Variants in NECAB1 observed in about 807,000 individuals in gnomAD.
NECAB1 encodes the protein N-terminal EF-hand calcium binding protein 1.
A neutral mutation model predicts 57.5 loss-of-function variants in NECAB1; 29 were observed. The ratio of observed to expected loss-of-function variants is 0.50; its 90% CI spans 0.38 to 0.69. The LOEUF is 0.69. NECAB1 is among the 30% of genes least tolerant of loss of function. NECAB1 has a pLI of 0.00. For missense variants in NECAB1, 372 were observed against 413.8 expected (o/e 0.90, Z 0.88); for synonymous variants, 142 against 147.7 (o/e 0.96, Z 0.28).
chr8:90,824,102 C>T (rs1812187993), intron 2 of NECAB1, among the ~76,000 whole-genome samples: 1 of 151,812 alleles, frequency 6.6e-6, no homozygotes, highest in Non-Finnish European at 1.5e-5. Context: ...CCGTATTTTA[C>T]TGTATAAAAT....
At chr8:90,896,477 T>C (rs557505149) in intron 5 of NECAB1, among the ~76,000 whole-genome samples, 86 of 151,852 alleles carry the variant, frequency 5.7e-4, no homozygotes, top group Admixed American at 1.4e-3. Context: ...TGGTGGCGGG[T>C]GCCTGTAGTC....
chr8:90,809,918 C>T (rs1018372226), intron 2 of NECAB1, among the ~76,000 whole-genome samples: 2 of 152,064 alleles, frequency 1.3e-5, no homozygotes, highest in Non-Finnish European at 2.9e-5. Context: ...ACAGTAATAA[C>T]AGTAAACAAT....
chr8:90,928,106 A>ACCAGTCAGTGACACTGCATCTT, intron 7 of NECAB1, 117 bp from the exon 8 acceptor site: 1 of 745,232 alleles, frequency 1.3e-6, no homozygotes, highest in Non-Finnish European at 2.3e-6. Context: ...TAAAAAAATG[A>ACCAGTCAGTGACACTGCATCTT]CCAGTCAGTG....
At chr8:90,812,309 A>G (rs988388781) in intron 2 of NECAB1, among the ~76,000 whole-genome samples, 3 of 152,340 alleles carry the variant, frequency 2.0e-5, no homozygotes, top group South Asian at 4.1e-4. Flanking sequence ...CAAACTAAAT[A>G]TTCCTCCGAC....
intron 7 of NECAB1, among the ~76,000 whole-genome samples, chr8:90,927,135 T>TA (rs926532353): frequency 1.5e-4 from 22 of 150,996 alleles, no homozygotes; most frequent in African/African-American, 4.1e-4. Context: ...TATTAGAATT[T>TA]AAAAAAAACA....
At chr8:90,925,005 TCATAA>T (rs1343788344) in intron 6 of NECAB1, among the ~76,000 whole-genome samples, 4 of 151,886 alleles carry the variant, frequency 2.6e-5, no homozygotes, top group Non-Finnish European at 4.4e-5. Context: ...TACTTTCATA[TCATAA>T]CATATACTCA....
intron 2 of NECAB1, among the ~76,000 whole-genome samples, chr8:90,810,061 C>T (rs1811931369): frequency 6.6e-6 from 1 of 152,136 alleles, no homozygotes; most frequent in South Asian, 2.1e-4. Flanking sequence ...CGTCCAAGGG[C>T]ATGGAGTGAG....
Position 90,925,648 on chromosome 8 carries a change from G to A in NECAB1, c.608G>A (p.Ser203Asn). 1 of 1,613,796 alleles carries A rather than the reference G, an allele frequency of 6.2e-7. No homozygotes were observed. The highest frequency in any genetic ancestry group is 2.2e-5 in the East Asian group (1 of 44,854). ...CCAAACAGCCCTCAGTTTAATGTCA[G>A]CGGTCCAGGTAACATACCCTTCATT... ...FSPNSPQFNV[S>N]GPGLLEEDNQ... The change falls in exon 7 of 13, where the codon AGC becomes AAC. Residue 203 changes from serine to asparagine, a missense_variant. By Grantham distance (46) the Ser-to-Asn change is conservative. Transcript: ENST00000417640.
rs1005197492 is a variant in NECAB1, at chr8:90,957,915, G to C, written c.*2403G>C. ...GAAACGTAACATGGAATACAAGCTT[G>C]AATCTGGGAAACAAGCTCAAAAAAC... On this transcript the variant is annotated 3_prime_UTR_variant, in exon 13 of 13. Coordinates refer to ENST00000417640, the MANE Select transcript of NECAB1 (RefSeq NM_022351.5). 4.0e-5 allele frequency: 6 copies of C among 150,980 alleles called. No homozygotes were observed. The highest frequency in any genetic ancestry group is 7.4e-5 in the Non-Finnish European group (5 of 67,538). 9.4% of individuals were successfully genotyped at this position (150,980 alleles called of 1,614,324 possible).
At chr8:90,901,888 ACT>A (rs1158495249) in intron 5 of NECAB1, among the ~76,000 whole-genome samples, 3 of 151,264 alleles carry the variant, frequency 2.0e-5, no homozygotes, top group Admixed American at 1.3e-4. Context: ...CCTCGTTTGC[ACT>A]CTCTGTATTT....
At position 90,958,884 on chromosome 8, in the gene NECAB1, A is replaced by T; in HGVS notation, c.*3372A>T. 1 of 598,300 alleles carries T rather than the reference A, an allele frequency of 1.7e-6. No homozygotes were observed. Among genetic ancestry groups the T allele is most frequent in the Non-Finnish European group, 2.8e-6 (1 of 356,324 alleles). 37.1% of individuals were successfully genotyped at this position (598,300 alleles called of 1,614,324 possible). A position where few individuals can be genotyped will look rare whatever the true frequency, so the allele number is the denominator to read the frequency against. On this transcript the variant is annotated 3_prime_UTR_variant, in exon 13 of 13. Transcript: ENST00000417640. ...AAATAGCTCTTTCTCATTTTTAGAGAAGTCAAATAGCCAACCATCAAAATT... is the reference window on the plus strand; with the variant it reads ...AAATAGCTCTTTCTCATTTTTAGAGTAGTCAAATAGCCAACCATCAAAATT...
chr8:90,883,456 G>A (rs1455049797), intron 5 of NECAB1, among the ~76,000 whole-genome samples: 1 of 152,104 alleles, frequency 6.6e-6, no homozygotes, highest in Non-Finnish European at 1.5e-5. Context: ...AAAAAGTCCT[G>A]TCTCAGTAGG....
chr8:90,847,981 T>C (rs1380180205), intron 3 of NECAB1, among the ~76,000 whole-genome samples: 1 of 152,274 alleles, frequency 6.6e-6, no homozygotes, highest in East Asian at 1.9e-4. Flanking sequence ...ATTTGGCTCC[T>C]TGTTACTTAT....
chr8:90,829,537 C>T (rs1812271940), intron 3 of NECAB1, among the ~76,000 whole-genome samples: 1 of 152,032 alleles, frequency 6.6e-6, no homozygotes, highest in African/African-American at 2.4e-5. Flanking sequence ...ACTTCTGTGT[C>T]AGAGAGTGAA....
At chr8:90,929,987 A>G (rs1306369573) in intron 8 of NECAB1, among the ~76,000 whole-genome samples, 1 of 152,226 alleles carries the variant, frequency 6.6e-6, no homozygotes, top group Non-Finnish European at 1.5e-5. Flanking sequence ...TGGACTTGGA[A>G]ACAACAGAAG....
At chr8:90,886,896 C>A (rs1418571962) in intron 5 of NECAB1, among the ~76,000 whole-genome samples, 1 of 151,920 alleles carries the variant, frequency 6.6e-6, no homozygotes, top group Non-Finnish European at 1.5e-5. Flanking sequence ...ATTTTTATGT[C>A]TCATTAAATA....
At chr8:90,819,945 G>C (rs1265942374) in intron 2 of NECAB1, among the ~76,000 whole-genome samples, 2 of 151,704 alleles carry the variant, frequency 1.3e-5, no homozygotes, top group Non-Finnish European at 2.9e-5. Flanking sequence ...CCTCCTCACT[G>C]TGAGAAACTG....
At chr8:90,837,586 A>C (rs975187156) in intron 3 of NECAB1, among the ~76,000 whole-genome samples, 2 of 152,244 alleles carry the variant, frequency 1.3e-5, no homozygotes, top group Non-Finnish European at 2.9e-5. Flanking sequence ...GAGAAGGGAA[A>C]ATTACTGTAA....
chr8:90,842,568 G>A (rs920453742), intron 3 of NECAB1, among the ~76,000 whole-genome samples: 3 of 152,198 alleles, frequency 2.0e-5, no homozygotes, highest in Non-Finnish European at 2.9e-5. Context: ...TGCTAGAGCA[G>A]CTTGTCTGCA....
Sources: allele counts gnomAD v4.1 joint callset (sites outside exome capture counted in the v4.1 genomes callset), GRCh38; gene constraint gnomAD v4.1.1; transcripts MANE v1.5; gene names NCBI Gene and HGNC (gene_info 2026-07-23, HGNC 2026-07-21).